MAGI3: variants seen among roughly 807,000 people sequenced by gnomAD.
The protein encoded by MAGI3 is membrane associated guanylate kinase, WW and PDZ domain containing 3.
Under a neutral mutation model 121.8 loss-of-function variants are expected in MAGI3, and 43 were observed. That is an observed-to-expected ratio of 0.35 (90% CI 0.28 to 0.46). MAGI3 has a LOEUF of 0.46. Among genes scored for constraint, MAGI3 ranks in the 20% least tolerant of loss-of-function variants. The pLI is 1.00. For synonymous variants in MAGI3, 553 were observed against 639.3 expected, an observed-to-expected ratio of 0.86 and a Z score of 2.04; for missense variants, 1,547 against 1,797.3, an observed-to-expected ratio of 0.86 and a Z score of 2.52.
At chr1:113,636,766 C>G (rs1232619415) in intron 9 of MAGI3, among the ~76,000 whole-genome samples, 1 of 151,798 alleles carries the variant, frequency 6.6e-6, no homozygotes, top group Non-Finnish European at 1.5e-5. Context: ...GAGCTGAGTT[C>G]AATTCCTGGA....
At chr1:113,507,076 T>A (rs1441911541) in intron 1 of MAGI3, among the ~76,000 whole-genome samples, 1 of 151,916 alleles carries the variant, frequency 6.6e-6, no homozygotes, top group African/African-American at 2.4e-5. Context: ...CATAGTTAGA[T>A]GAACTTGCCC....
chr1:113,433,940 A>G (rs1653430466), intron 1 of MAGI3, among the ~76,000 whole-genome samples: 1 of 152,096 alleles, frequency 6.6e-6, no homozygotes, highest in African/African-American at 2.4e-5. Flanking sequence ...TCTTATTTTT[A>G]TTCTTATCTC....
intron 1 of MAGI3, among the ~76,000 whole-genome samples, chr1:113,517,028 A>C (rs1038386286): frequency 3.9e-5 from 6 of 152,020 alleles, no homozygotes; most frequent in African/African-American, 1.4e-4. Flanking sequence ...AAAAACAAGG[A>C]AAGTCTAAGA....
chr1:113,659,119 C>G lies in MAGI3; in HGVS notation c.2669C>G (p.Pro890Arg). The change falls in exon 16 of 21, where the codon CCG becomes CGG. Residue 890 changes from proline to arginine, a missense_variant. Coordinates refer to ENST00000307546, the MANE Select transcript of MAGI3 (RefSeq NM_001142782.2). ...HKIGRVIEGS[P>R]ADRCGKLKVG... ...ATTGGCCGAGTCATAGAAGGAAGTC[C>G]GGCTGACCGCTGTGGAAAACTGAAA... 1 of 1,613,354 alleles carries G rather than the reference C, an allele frequency of 6.2e-7. No individual in the cohort carries two copies.
chr1:113,550,943 T>G (rs189434609), intron 2 of MAGI3, among the ~76,000 whole-genome samples: 164 of 137,226 alleles, frequency 1.2e-3, no homozygotes, highest in South Asian at 3.1e-3. Context: ...TTTAAAATCT[T>G]TCCCTTCCCC....
intron 2 of MAGI3, among the ~76,000 whole-genome samples, chr1:113,563,338 C>T (rs116182134): frequency 6.6e-6 from 1 of 152,148 alleles, no homozygotes; most frequent in African/African-American, 2.4e-5. Context: ...TTTTTGCCTG[C>T]TTGTGATACT....
At position 113,436,082 on chromosome 1, in the gene MAGI3, A is replaced by T. The variant is rs1653551563; in HGVS notation, c.316+44733A>T. On this transcript the variant is annotated intron_variant, in intron 1 of 20. Transcript: ENST00000307546. ...GAAAGTTATGTCAGATGAATTAGTT[A>T]ATACCTGAATAGTTCAAAATGATGA... Among the ~76,000 whole-genome samples the T allele has an allele frequency of 2.6e-5, 4 of 152,130 alleles. No individual in the cohort carries two copies. The South Asian group carries it at 8.3e-4, about 31-fold the overall frequency.
At position 113,685,107 on chromosome 1, in the gene MAGI3, C is replaced by T. The variant is rs147480295; in HGVS notation, c.*1093C>T. ...CAGCAAATGAGGACAAATGTGTAGA[C>T]AGTACTTACTGGATCTTATTTAACT... On this transcript the variant is annotated 3_prime_UTR_variant, in exon 21 of 21. Coordinates refer to ENST00000307546, the MANE Select transcript of MAGI3 (RefSeq NM_001142782.2). 740 of 152,440 alleles carry T rather than the reference C, an allele frequency of 4.9e-3. 8 individuals are homozygous for T. The highest frequency in any genetic ancestry group is 0.017 in the African/African-American group (699 of 41,562). 9.4% of individuals were successfully genotyped at this position (152,440 alleles called of 1,614,324 possible). A position where few individuals can be genotyped will look rare whatever the true frequency, so the allele number is the denominator to read the frequency against.
chr1:113,489,228 C>T (rs76334889), intron 1 of MAGI3, among the ~76,000 whole-genome samples: 101 of 151,106 alleles, frequency 6.7e-4, no homozygotes, highest in African/African-American at 2.3e-3. Context: ...AACAAAGAGC[C>T]AATGCAAGTC....
chr1:113,547,281 T>TAAAGCTTC (rs1196342039), intron 1 of MAGI3, among the ~76,000 whole-genome samples: 1 of 145,218 alleles, frequency 6.9e-6, no homozygotes, highest in African/African-American at 2.4e-5. Flanking sequence ...TATCTGACAG[T>TAAAGCTTC]AAAGCTTCAA....
chr1:113,603,642 A>G (rs1388325452), intron 6 of MAGI3, among the ~76,000 whole-genome samples: 1 of 152,190 alleles, frequency 6.6e-6, no homozygotes, highest in Non-Finnish European at 1.5e-5. Flanking sequence ...GACCTAATTA[A>G]ACAAAAAAGC....
At chr1:113,559,425 T>G (rs752175216) in intron 2 of MAGI3, among the ~76,000 whole-genome samples, 2 of 152,138 alleles carry the variant, frequency 1.3e-5, no homozygotes, top group Non-Finnish European at 2.9e-5. Flanking sequence ...CAACAGACTT[T>G]AAAATAGACT....
chr1:113,416,408 A>G (rs1214196095), intron 1 of MAGI3, among the ~76,000 whole-genome samples: 1 of 16,376 alleles, frequency 6.1e-5, no homozygotes, highest in African/African-American at 2.0e-4. Flanking sequence ...TTAATTAATT[A>G]ATAATTAATA....
At chr1:113,625,562 T>G (rs1032002133) in intron 9 of MAGI3, among the ~76,000 whole-genome samples, 15 of 152,246 alleles carry the variant, frequency 9.9e-5, no homozygotes, top group African/African-American at 3.4e-4. Context: ...GCAACTTTAC[T>G]GAATTTATCA....
intron 14 of MAGI3, among the ~76,000 whole-genome samples, chr1:113,651,508 G>A (rs554820413): frequency 1.8e-4 from 28 of 152,148 alleles, no homozygotes; most frequent in Non-Finnish European, 2.9e-4. Flanking sequence ...GTTTTGTTGA[G>A]TTGAGGTAGA....
intron 5 of MAGI3, among the ~76,000 whole-genome samples, chr1:113,591,040 G>A (rs930970192): frequency 1.4e-4 from 22 of 151,958 alleles, no homozygotes; most frequent in African/African-American, 2.9e-4. Context: ...ATTATTATCC[G>A]AATTAAATAT....
Position 113,642,049 on chromosome 1 carries a change from G to T in MAGI3, c.1499G>T (p.Ser500Ile). The T allele has an allele frequency of 1.9e-6, 3 of 1,614,188 alleles. No homozygotes were observed. Among genetic ancestry groups the T allele is most frequent in the Non-Finnish European group, 2.5e-6 (3 of 1,180,038 alleles). ...LCRGYPLPDD[S>I]EDPVVDIVAA... is the part of the protein sequence containing the mutation. ...CGTGGTTATCCACTTCCTGATGACAGTGAAGATCCTGTTGTGGACATTGTT... is the reference window on the plus strand; with the variant it reads ...CGTGGTTATCCACTTCCTGATGACATTGAAGATCCTGTTGTGGACATTGTT... Residue 500 changes from serine (S) to isoleucine (I), a missense_variant, in exon 10 of 21, where the codon AGT (serine) becomes ATT (isoleucine). Transcript: ENST00000307546.
chr1:113,583,637 G>A (rs893955298), intron 3 of MAGI3, among the ~76,000 whole-genome samples: 12 of 151,980 alleles, frequency 7.9e-5, no homozygotes, highest in Admixed American at 6.6e-5. Flanking sequence ...AGAGACCCTC[G>A]AACCTCCTAA....
At chr1:113,593,402 G>A (rs1172201069) in intron 5 of MAGI3, among the ~76,000 whole-genome samples, 1 of 152,046 alleles carries the variant, frequency 6.6e-6, no homozygotes, top group Non-Finnish European at 1.5e-5. Flanking sequence ...CAGTTGTTAG[G>A]CATGGTGGCA....
Sources: allele counts gnomAD v4.1 joint callset (sites outside exome capture counted in the v4.1 genomes callset), GRCh38; gene constraint gnomAD v4.1.1; transcripts MANE v1.5; gene names NCBI Gene and HGNC (gene_info 2026-07-23, HGNC 2026-07-21).